PCDHGB2: variants seen among roughly 807,000 people sequenced by gnomAD.
PCDHGB2 encodes protocadherin gamma subfamily B, 2, also known as protocadherin gamma-B2.
Under a neutral mutation model 59.3 loss-of-function variants are expected in PCDHGB2, and 55 were observed. The ratio of observed to expected loss-of-function variants is 0.93; its 90% CI spans 0.75 to 1.16. PCDHGB2 has a LOEUF of 1.16. PCDHGB2 is among the 50% of genes most tolerant of loss of function. PCDHGB2 has a pLI of 0.00. For synonymous variants in PCDHGB2, 516 were observed against 512.0 expected (o/e 1.01, Z -0.11); for missense variants, 1,228 against 1,198.5 (o/e 1.02, Z -0.36).
rs1761438795 is a variant in PCDHGB2 at position 141,360,144 on chromosome 5, G to A, written c.9G>A (p.Ala3=). The A allele has an allele frequency of 6.3e-7, 1 of 1,596,148 alleles. No individual in the cohort carries two copies. Among genetic ancestry groups the A allele is most frequent in the Non-Finnish European group, 8.6e-7 (1 of 1,169,500 alleles). Residue 3 remains alanine (A), a synonymous_variant, in exon 1 of 4, where the codon GCG becomes GCA. Transcript: ENST00000522605. ...GCAAAGGGAGCCAGAAGATGAAAGC[G>A]AGCTCAGGGAGGTGCGGGCTGGTGC... MK[A]SSGRCGLVRW...
chr5:141,427,751 C>G (rs778043340), intron 1 of PCDHGB2: 6 of 1,306,076 alleles, frequency 4.6e-6, no homozygotes, highest in Non-Finnish European at 6.6e-6. Context: ...CCTACTCCAT[C>G]GTTACCACTG....
chr5:141,395,036 G>C, intron 1 of PCDHGB2: 2 of 1,614,110 alleles, frequency 1.2e-6, no homozygotes, highest in South Asian at 1.1e-5. Context: ...CACATTTTGT[G>C]GGTGTTGAGG....
chr5:141,422,304 A>C (rs1265775894), intron 1 of PCDHGB2: 2 of 1,548,406 alleles, frequency 1.3e-6, no homozygotes. Context: ...CAATTCTGGA[A>C]AACTCTCCTC....
At chr5:141,475,161 A>G (rs1433985907) in intron 1 of PCDHGB2, among the ~76,000 whole-genome samples, 1 of 152,138 alleles carries the variant, frequency 6.6e-6, no homozygotes, top group Non-Finnish European at 1.5e-5. Context: ...CTTCTTCATT[A>G]GCAGTGCAAC....
chr5:141,375,688 C>A, intron 1 of PCDHGB2: 2 of 1,614,256 alleles, frequency 1.2e-6, no homozygotes, highest in South Asian at 2.2e-5. Flanking sequence ...TGACAGCCAG[C>A]GACAGCGGGG....
Position 141,491,665 on chromosome 5 carries a change from C to T in PCDHGB2, c.2422-3142C>T, listed in dbSNP as rs749918160. 6.2e-7 allele frequency: 1 copy of T among 1,613,764 alleles called. No homozygotes were observed. The highest frequency in any genetic ancestry group is 8.5e-7 in the Non-Finnish European group (1 of 1,180,000). On this transcript the variant is annotated intron_variant, in intron 1 of 3. Transcript: ENST00000522605. The surrounding 1 kb of genome is among the most constrained non-coding windows in gnomAD (Gnocchi z 6.9). ...TCTGGCGCTGGAGCCTGACGCCATCCGGTCCCGCTCTAATACGCTGCGGGA... is the reference window on the plus strand; with the variant it reads ...TCTGGCGCTGGAGCCTGACGCCATCTGGTCCCGCTCTAATACGCTGCGGGA...
intron 1 of PCDHGB2, chr5:141,413,804 CCATTCACCACCTGGTCCTCA>C: frequency 1.2e-6 from 2 of 1,613,194 alleles, no homozygotes; most frequent in Non-Finnish European, 1.7e-6. Flanking sequence ...GAGGAAGAGG[CCATTCACCACCTGGTCCTCA>C]CCGCCTCCGA....
chr5:141,425,869 C>G (rs1376765137), intron 1 of PCDHGB2, among the ~76,000 whole-genome samples: 1 of 152,198 alleles, frequency 6.6e-6, no homozygotes, highest in Non-Finnish European at 1.5e-5. Flanking sequence ...TATAGATTCC[C>G]ATCTCTAAGG....
At chr5:141,390,732 G>T in intron 1 of PCDHGB2, 1 of 194,114 alleles carries the variant, frequency 5.2e-6, no homozygotes, top group Non-Finnish European at 1.1e-5. Context: ...TAACTGGTAT[G>T]GTCTCCATAG....
Position 141,405,152 on chromosome 5 carries a change from G to T in PCDHGB2, c.2421+42596G>T, listed in dbSNP as rs550773622. Reference sequence around the variant, plus strand: ...GCGGGCTACCAGTGATGGGTTGGCTGGTGTGCCCACCTCACACTTTGTGGG... The same window carrying T: ...GCGGGCTACCAGTGATGGGTTGGCTTGTGTGCCCACCTCACACTTTGTGGG... On this transcript the variant is annotated intron_variant, in intron 1 of 3. Transcript: ENST00000522605. 180 of 1,613,896 alleles carry T rather than the reference G, an allele frequency of 1.1e-4. 1 individual carries two copies. In the South Asian group the frequency reaches 1.9e-3, roughly 17 times the overall value.
chr5:141,419,894 C>G, intron 1 of PCDHGB2: 1 of 1,613,926 alleles, frequency 6.2e-7, no homozygotes, highest in Non-Finnish European at 8.5e-7. Flanking sequence ...CAGCGACCAT[C>G]CCACACCCTC....
intron 1 of PCDHGB2, chr5:141,376,828 A>T (rs986272669): frequency 7.4e-6 from 2 of 269,538 alleles, no homozygotes; most frequent in African/African-American, 4.6e-5. Context: ...CTGGGACTAC[A>T]GGCGCCCGCC....
In PCDHGB2 at chr5:141,486,047, C is replaced by T. The variant is rs763394605; in HGVS notation, c.2422-8760C>T. Reference sequence around the variant, plus strand: ...TCATACCCCTGATCGTGTAAGAAACCTCTTTAGCCTGCACCCCACTACTGG... The same window carrying T: ...TCATACCCCTGATCGTGTAAGAAACTTCTTTAGCCTGCACCCCACTACTGG... On this transcript the variant is annotated intron_variant, in intron 1 of 3. Transcript: ENST00000522605. The surrounding 1 kb of genome is among the most constrained non-coding windows in gnomAD (Gnocchi z 5.0). 2.5e-6 allele frequency: 4 copies of T among 1,614,054 alleles called. No individual in the cohort carries two copies. The African/African-American group carries it at 5.3e-5, about 22-fold the overall frequency.
intron 1 of PCDHGB2, chr5:141,419,481 C>A (rs2096389716): frequency 2.5e-6 from 4 of 1,612,424 alleles, no homozygotes; most frequent in Non-Finnish European, 3.4e-6. Context: ...GGCTCGCCCG[C>A]GCTCAGCGCC....
Position 141,491,103 on chromosome 5 carries a change from G to T in PCDHGB2, c.2422-3704G>T, listed in dbSNP as rs1190609518. The T allele has an allele frequency of 6.2e-7, 1 of 1,614,162 alleles. No individual in the cohort carries two copies. ...CCACAGCCCCAGGACTGTTCCTCGT[G>T]TCTACACACACTGGTGAGGTGCGCA... On this transcript the variant is annotated intron_variant, in intron 1 of 3. Coordinates refer to ENST00000522605, the MANE Select transcript of PCDHGB2 (RefSeq NM_018923.3). The surrounding 1 kb of genome is among the most constrained non-coding windows in gnomAD (Gnocchi z 6.9).
At position 141,511,211 on chromosome 5, in the gene PCDHGB2, C is replaced by G; in HGVS notation, c.*38C>G. ...GCCAAGAGCCACAGGGCGGCCTCTC[C>G]CCAACCAGCCCAGCTTCTCCTTACC... On this transcript the variant is annotated 3_prime_UTR_variant, in exon 4 of 4. Transcript: ENST00000522605. The G allele has an allele frequency of 6.2e-7, 1 of 1,608,626 alleles. No individual in the cohort carries two copies. The highest frequency in any genetic ancestry group is 8.5e-7 in the Non-Finnish European group (1 of 1,177,476).
intron 1 of PCDHGB2, chr5:141,427,032 A>G (rs1227315080): frequency 2.2e-6 from 1 of 457,206 alleles, no homozygotes; most frequent in East Asian, 6.9e-5. Flanking sequence ...AGTCAGCCTT[A>G]GAGAGAATGT....
chr5:141,374,900 G>A (rs1770928989), intron 1 of PCDHGB2: 6 of 1,613,682 alleles, frequency 3.7e-6, no homozygotes, highest in South Asian at 3.3e-5. Context: ...GGATGAAGGA[G>A]TCCACGGGGA....
intron 1 of PCDHGB2, chr5:141,410,860 T>TTTTTTTTTTTTTTTTTTG: frequency 2.3e-6 from 1 of 442,030 alleles, no homozygotes; most frequent in Non-Finnish European, 3.7e-6. Flanking sequence ...TTTTTTTTTT[T>TTTTTTTTTTTTTTTTTTG]TTTTTTTTTT....
Sources: allele counts gnomAD v4.1 joint callset (sites outside exome capture counted in the v4.1 genomes callset), GRCh38; gene constraint gnomAD v4.1.1; non-coding constraint Gnocchi (gnomAD v3.1); transcripts MANE v1.5; gene names NCBI Gene and HGNC (gene_info 2026-07-23, HGNC 2026-07-21).